ADAMTS7: variants seen among roughly 807,000 people sequenced by gnomAD.
ADAMTS7 encodes the protein ADAM metallopeptidase with thrombospondin type 1 motif 7.
In ADAMTS7, 89 loss-of-function variants were observed where a neutral mutation model predicts 172.6. The observed-to-expected ratio is 0.52, with a 90% CI of 0.43 to 0.61. The LOEUF (loss-of-function observed/expected upper bound fraction) is 0.61, where lower values mean the gene tolerates loss of function less well. Among genes scored for constraint, ADAMTS7 ranks in the 20% least tolerant of loss-of-function variants. The pLI is 0.00. For missense variants in ADAMTS7, 1,973 were observed against 2,355.6 expected (o/e 0.84, Z 3.36); for synonymous variants, 885 against 978.4 (o/e 0.90, Z 1.78).
At chr15:78,798,152 C>T (rs763335571) in intron 2 of ADAMTS7, 39 bp from the exon 3 acceptor site, 2 of 1,509,590 alleles carry the variant, frequency 1.3e-6, no homozygotes, top group South Asian at 1.4e-5. Flanking sequence ...GGAGGGCTGG[C>T]CCTCAGCTGC....
intron 23 of ADAMTS7, among the ~76,000 whole-genome samples, chr15:78,759,987 C>G: frequency 6.6e-6 from 1 of 152,260 alleles, no homozygotes; most frequent in East Asian, 1.9e-4. Flanking sequence ...GCGGCCTCTG[C>G]CCCCGACTCC....
chr15:78,766,048 C>T lies in ADAMTS7; in HGVS notation c.3863G>A (p.Gly1288Glu). 6.2e-7 allele frequency: 1 copy of T among 1,605,772 alleles called. No homozygotes were observed. Among genetic ancestry groups the T allele is most frequent in the Non-Finnish European group, 8.5e-7 (1 of 1,179,948 alleles). The change falls in exon 19 of 24, where the codon GGG (glycine) becomes GAG (glutamate). Residue 1288 changes from glycine (G) to glutamate (E), a missense_variant. Physicochemically the swap from Gly to Glu is moderately conservative, Grantham distance 98. Coordinates refer to ENST00000388820, the MANE Select transcript of ADAMTS7 (RefSeq NM_014272.5). ...GGGAGGAGGAAGGAGAGAAGCCACC[C>T]CAACAGTGGGCCACAGTTCACTGTC... ...PVDSELWPTV[G>E]VASLLPPPIA...
At chr15:78,805,488 G>T (rs929246976) in intron 1 of ADAMTS7, among the ~76,000 whole-genome samples, 1 of 152,112 alleles carries the variant, frequency 6.6e-6, no homozygotes. Context: ...TATGCTCCCC[G>T]GTCCTCAGTC....
chr15:78,811,260 G>T lies in ADAMTS7; in HGVS notation c.-40C>A, dbSNP rs1269382692. ...GGCCGCCGGGTGACCCCGCGCGCAC[G>T]CTCTCGTCCGTCCCGTCCGGTCGCT... On this transcript the variant is annotated 5_prime_UTR_variant, in exon 1 of 24. Coordinates refer to ENST00000388820, the MANE Select transcript of ADAMTS7 (RefSeq NM_014272.5). 4 of 1,222,636 alleles carry T rather than the reference G, an allele frequency of 3.3e-6. No individual in the cohort carries two copies. In the African/African-American group the frequency reaches 4.7e-5, roughly 14 times the overall value. 75.7% of individuals were successfully genotyped at this position (1,222,636 alleles called of 1,614,324 possible).
At chr15:78,804,786 C>T (rs565071852) in intron 1 of ADAMTS7, among the ~76,000 whole-genome samples, 43 of 152,248 alleles carry the variant, frequency 2.8e-4, no homozygotes, top group South Asian at 1.2e-3. Flanking sequence ...TGAGCTTCAG[C>T]GGGCCACTAG....
At chr15:78,792,631 T>C (rs748455019) in intron 4 of ADAMTS7, among the ~76,000 whole-genome samples, 54 of 152,166 alleles carry the variant, frequency 3.5e-4, no homozygotes, top group Non-Finnish European at 6.3e-4. Context: ...CCTGGCCAAA[T>C]GGTGAAACCC....
Position 78,763,891 on chromosome 15 carries a change from C to T in ADAMTS7, c.4593+35G>A, listed in dbSNP as rs1371280199. The T allele has an allele frequency of 7.7e-6, 12 of 1,564,008 alleles. No individual in the cohort carries two copies. The South Asian group carries it at 1.1e-4, about 14-fold the overall frequency. ...TCAGGGCACAGCCAGGGTCTGAGGG[C>T]GTCCCCTCCCCCCAACTCAACGGCC... On this transcript the variant is annotated intron_variant, in intron 21 of 23. Coordinates refer to ENST00000388820, the MANE Select transcript of ADAMTS7 (RefSeq NM_014272.5).
At chr15:78,763,220 C>T (rs2055078463) in intron 22 of ADAMTS7, among the ~76,000 whole-genome samples, 1 of 152,230 alleles carries the variant, frequency 6.6e-6, no homozygotes, top group African/African-American at 2.4e-5. Flanking sequence ...GACAAAGACG[C>T]AAACGCTGGC....
At chr15:78,774,441 C>T in intron 12 of ADAMTS7, 141 bp from the exon 13 acceptor site, 1 of 1,370,690 alleles carries the variant, frequency 7.3e-7, no homozygotes, top group Non-Finnish European at 9.8e-7. Flanking sequence ...TCCGGCTGGG[C>T]TGATAGCTAT....
intron 1 of ADAMTS7, among the ~76,000 whole-genome samples, chr15:78,807,266 A>T (rs1039208043): frequency 2.0e-5 from 3 of 152,220 alleles, no homozygotes; most frequent in Non-Finnish European, 4.4e-5. Flanking sequence ...GGAAGCAGGT[A>T]TGTAACTGAG....
chr15:78,805,168 G>A (rs929096165), intron 1 of ADAMTS7, among the ~76,000 whole-genome samples: 3 of 152,200 alleles, frequency 2.0e-5, no homozygotes, highest in Non-Finnish European at 2.9e-5. Context: ...AGAAGCCACC[G>A]GACTGGATGA....
At chr15:78,762,370 C>G in intron 23 of ADAMTS7, 33 bp downstream of exon 23, 1 of 1,390,954 alleles carries the variant, frequency 7.2e-7, no homozygotes, top group Non-Finnish European at 9.4e-7. Context: ...CCCCACCTCA[C>G]TTCAGCAGGG....
At chr15:78,791,671 C>T (rs1419513413) in intron 4 of ADAMTS7, among the ~76,000 whole-genome samples, 2 of 152,344 alleles carry the variant, frequency 1.3e-5, no homozygotes, top group East Asian at 3.9e-4. Flanking sequence ...GATGCCAGGA[C>T]CAGCATCCCA....
In ADAMTS7 at chr15:78,771,633, C is replaced by T. The variant is rs774018582; in HGVS notation, c.2328G>A (p.Trp776Ter). 3 of 1,601,920 alleles carry T rather than the reference C, an allele frequency of 1.9e-6. No individual in the cohort carries two copies. The highest frequency in any genetic ancestry group is 3.3e-5 in the Admixed American group (2 of 59,968). The part of the protein sequence containing the change: ...TTFTYARRGN[W>*]ENLTSPGPTK... ...TGGGACCCGGGGACGTGAGGTTCTCCCAGTTGCCCCTGCGTGCGTATGTGA... is the reference window on the plus strand; with the variant it reads ...TGGGACCCGGGGACGTGAGGTTCTCTCAGTTGCCCCTGCGTGCGTATGTGA... The change falls in exon 15 of 24, where the codon TGG becomes TGA. Residue 776 changes from tryptophan (W) to a stop codon, truncating the protein, a stop_gained. Transcript: ENST00000388820. LOFTEE classifies it high-confidence loss of function. The surrounding 1 kb of genome is among the most constrained non-coding windows in gnomAD (Gnocchi z 4.9).
intron 1 of ADAMTS7, among the ~76,000 whole-genome samples, chr15:78,805,413 A>G (rs1485203515): frequency 6.6e-6 from 1 of 152,216 alleles, no homozygotes; most frequent in Non-Finnish European, 1.5e-5. Flanking sequence ...CATCCATGTC[A>G]GGCTTAAATT....
At chr15:78,769,496 G>A (rs879805227) in intron 16 of ADAMTS7, among the ~76,000 whole-genome samples, 10 of 152,180 alleles carry the variant, frequency 6.6e-5, no homozygotes, top group Non-Finnish European at 1.3e-4. Flanking sequence ...GTACTGGCTC[G>A]GGAGAAAAAG....
At chr15:78,792,750 G>C (rs537273000) in intron 4 of ADAMTS7, among the ~76,000 whole-genome samples, 85 of 152,294 alleles carry the variant, frequency 5.6e-4, no homozygotes, top group African/African-American at 2.0e-3. Context: ...GAAGGCAGAG[G>C]CTGCAGTGAG....
intron 23 of ADAMTS7, among the ~76,000 whole-genome samples, chr15:78,760,909 G>A (rs1053418768): frequency 2.0e-5 from 3 of 152,168 alleles, no homozygotes; most frequent in Admixed American, 2.0e-4. Flanking sequence ...TGGGCCATCC[G>A]TCCTTGGTTC....
At chr15:78,774,395 C>T in intron 12 of ADAMTS7, 95 bp from the exon 13 acceptor site, 1 of 1,448,614 alleles carries the variant, frequency 6.9e-7, no homozygotes, top group Non-Finnish European at 9.2e-7. Flanking sequence ...CCATGGCAGG[C>T]TGGAGGCTCC....
Sources: allele counts gnomAD v4.1 joint callset (sites outside exome capture counted in the v4.1 genomes callset), GRCh38; gene constraint gnomAD v4.1.1; non-coding constraint Gnocchi (gnomAD v3.1); transcripts MANE v1.5; gene names NCBI Gene and HGNC (gene_info 2026-07-23, HGNC 2026-07-21).